Variants in BLK observed in about 807,000 individuals in gnomAD.
BLK encodes BLK proto-oncogene, Src family tyrosine kinase.
In BLK, 64 loss-of-function variants were observed where a neutral mutation model predicts 61.8. That is an observed-to-expected ratio of 1.03 (90% CI 0.85 to 1.27). BLK has a LOEUF of 1.27. Ranked by LOEUF, BLK falls within the 50% of genes most tolerant of loss-of-function variation. The probability of loss-of-function intolerance (pLI) is 0.00; values close to 1 mark genes in which losing one functional copy is unlikely to be tolerated. For synonymous variants in BLK, 351 were observed against 272.0 expected (o/e 1.29, Z -2.86); for missense variants, 853 against 660.5 (o/e 1.29, Z -3.19).
chr8:11,517,245 C>T (rs1029814232), intron 1 of BLK, among the ~76,000 whole-genome samples: 11 of 152,206 alleles, frequency 7.2e-5, no homozygotes, highest in Admixed American at 2.0e-4. Context: ...TGCCTGTGGA[C>T]GGGAGAGCCA....
At chr8:11,545,435 G>A (rs1800587412) in intron 2 of BLK, among the ~76,000 whole-genome samples, 1 of 152,174 alleles carries the variant, frequency 6.6e-6, no homozygotes. Context: ...TGTAATCTCA[G>A]CTACTTGGGA....
chr8:11,508,919 G>A (rs1798885180), intron 1 of BLK, among the ~76,000 whole-genome samples: 1 of 152,184 alleles, frequency 6.6e-6, no homozygotes, highest in Non-Finnish European at 1.5e-5. Context: ...GAGAGCTTTG[G>A]GAAGGAAATG....
rs778120592 is a variant in BLK, at chr8:11,549,134, C to T, written c.368+12C>T. ...CTGGAAATGGAAAGGTAGGTGGGCA[C>T]GGGAACCCCCCTCGAGCCAAGATGC... On this transcript the variant is annotated intron_variant, in intron 5 of 12. Coordinates refer to ENST00000259089, the MANE Select transcript of BLK (RefSeq NM_001715.3). 23 of 1,588,346 alleles carry T rather than the reference C, an allele frequency of 1.4e-5. 1 individual carries two copies. The highest frequency in any genetic ancestry group is 5.8e-5 in the South Asian group (5 of 86,834).
At position 11,564,278 on chromosome 8, in the gene BLK, C is replaced by A; in HGVS notation, c.*170C>A. 1 of 820,532 alleles carries A rather than the reference C, an allele frequency of 1.2e-6. No homozygotes were observed. Among genetic ancestry groups the A allele is most frequent in the Non-Finnish European group, 2.0e-6 (1 of 496,002 alleles). The allele number at this position is 820,532 out of a possible 1,614,324, so 50.8% of individuals were successfully genotyped here. ...GGGGTCCCCGGACGGACTCCTTCAC[C>A]GACTGCACCCCCGGGCGAGTTACGC... On this transcript the variant is annotated 3_prime_UTR_variant, in exon 13 of 13. Transcript: ENST00000259089.
chr8:11,559,787 GCAGAAT>G (rs898490731), intron 10 of BLK: 10 of 455,940 alleles, frequency 2.2e-5, no homozygotes, highest in African/African-American at 1.4e-4. Flanking sequence ...TTCCCACCTG[GCAGAAT>G]CCTTATCATC....
Position 11,563,938 on chromosome 8 carries a change from C to G in BLK, c.1348C>G (p.Arg450Gly), listed in dbSNP as rs748156361. Reference sequence around the variant, plus strand: ...CCCCGAGGTCATCCGCAACCTGGAGCGCGGCTACCGCATGCCGCGCCCCGA... The same window carrying G: ...CCCCGAGGTCATCCGCAACCTGGAGGGCGGCTACCGCATGCCGCGCCCCGA... The part of the protein sequence containing the change: ...SNPEVIRNLE[R>G]GYRMPRPDTC... Residue 450 changes from arginine to glycine, a missense_variant, in exon 13 of 13, where the codon CGC (arginine) becomes GGC (glycine). Arg to Gly is a moderately radical substitution (Grantham distance 125). Coordinates refer to ENST00000259089, the MANE Select transcript of BLK (RefSeq NM_001715.3). 2 of 1,607,994 alleles carry G rather than the reference C, an allele frequency of 1.2e-6. No homozygotes were observed. The highest frequency in any genetic ancestry group is 1.7e-6 in the Non-Finnish European group (2 of 1,179,402).
At chr8:11,547,322 G>A (rs113505655) in intron 3 of BLK, among the ~76,000 whole-genome samples, 152 of 152,362 alleles carry the variant, frequency 1.0e-3, no homozygotes, top group African/African-American at 3.1e-3. Context: ...GTGACAGAGC[G>A]GAGCCACCCC....
intron 1 of BLK, among the ~76,000 whole-genome samples, chr8:11,520,786 G>A (rs921333553): frequency 6.6e-6 from 1 of 152,084 alleles, no homozygotes; most frequent in African/African-American, 2.4e-5. Context: ...TTGTCTTTCA[G>A]GGAAATCTAA....
intron 1 of BLK, among the ~76,000 whole-genome samples, chr8:11,533,384 G>A (rs1171947385): frequency 2.0e-5 from 3 of 152,078 alleles, no homozygotes; most frequent in Admixed American, 6.6e-5. Flanking sequence ...TTCCACCTCT[G>A]GGTTCTGCCA....
At chr8:11,526,531 C>T (rs377566890) in intron 1 of BLK, among the ~76,000 whole-genome samples, 1 of 152,112 alleles carries the variant, frequency 6.6e-6, no homozygotes, top group African/African-American at 2.4e-5. Flanking sequence ...CCAGCCTGGG[C>T]AAAATGATGA....
At chr8:11,512,713 G>A (rs1024760311) in intron 1 of BLK, among the ~76,000 whole-genome samples, 4 of 152,094 alleles carry the variant, frequency 2.6e-5, no homozygotes, top group African/African-American at 4.8e-5. Flanking sequence ...ACCCAGGCTG[G>A]AGTGCAGTGG....
chr8:11,553,940 G>A (rs1257304181), intron 6 of BLK, among the ~76,000 whole-genome samples: 1 of 152,134 alleles, frequency 6.6e-6, no homozygotes, highest in Non-Finnish European at 1.5e-5. Context: ...TGGCGGGGAG[G>A]CGTGGTACTG....
intron 5 of BLK, chr8:11,549,954 G>C (rs1800823464): frequency 4.7e-6 from 3 of 633,880 alleles, no homozygotes; most frequent in Non-Finnish European, 8.6e-6. Flanking sequence ...TGAGTCCAGG[G>C]CTGACAGGAA....
intron 3 of BLK, among the ~76,000 whole-genome samples, chr8:11,547,500 G>T (rs569327494): frequency 5.3e-5 from 8 of 152,220 alleles, no homozygotes; most frequent in African/African-American, 1.9e-4. Context: ...AAGGTGGGGG[G>T]CCCGGCAGGG....
At chr8:11,533,205 A>G (rs1240109291) in intron 1 of BLK, among the ~76,000 whole-genome samples, 1 of 152,174 alleles carries the variant, frequency 6.6e-6, no homozygotes, top group African/African-American at 2.4e-5. Context: ...AGTAATTACA[A>G]TCAACCCAAG....
intron 7 of BLK, 105 bp downstream of exon 7, chr8:11,554,994 G>C (rs770947486): frequency 1.9e-4 from 289 of 1,501,362 alleles, no homozygotes; most frequent in Non-Finnish European, 2.5e-4. Flanking sequence ...TTGGGGGATG[G>C]AAAGATTATC....
At chr8:11,523,366 G>A (rs1799529286) in intron 1 of BLK, among the ~76,000 whole-genome samples, 1 of 152,014 alleles carries the variant, frequency 6.6e-6, no homozygotes, top group South Asian at 2.1e-4. Context: ...ACAGCATGGC[G>A]AACATGGAGA....
At chr8:11,518,085 G>A (rs1799299324) in intron 1 of BLK, among the ~76,000 whole-genome samples, 1 of 152,158 alleles carries the variant, frequency 6.6e-6, no homozygotes, top group Non-Finnish European at 1.5e-5. Context: ...GGCTGGGAGG[G>A]GCGAGAGAGT....
intron 2 of BLK, 142 bp downstream of exon 2, chr8:11,543,489 C>A (rs1157091890): frequency 1.7e-6 from 2 of 1,204,926 alleles, no homozygotes; most frequent in Non-Finnish European, 1.2e-6. Context: ...GTGTGCCATG[C>A]AATATAACAC....
Sources: allele counts gnomAD v4.1 joint callset (sites outside exome capture counted in the v4.1 genomes callset), GRCh38; gene constraint gnomAD v4.1.1; transcripts MANE v1.5; gene names NCBI Gene and HGNC (gene_info 2026-07-23, HGNC 2026-07-21).